NTM: variants seen among roughly 807,000 people sequenced by gnomAD.
The protein encoded by NTM is IgLON family member 2.
A neutral mutation model predicts 42.1 loss-of-function variants in NTM; 13 were observed. The ratio of observed to expected loss-of-function variants is 0.31; its 90% CI spans 0.20 to 0.49. The LOEUF (loss-of-function observed/expected upper bound fraction) is 0.49, where lower values mean the gene tolerates loss of function less well. NTM is among the 20% of genes least tolerant of loss of function. The pLI is 0.99. For synonymous variants in NTM, 187 were observed against 179.2 expected, an observed-to-expected ratio of 1.04 and a Z score of -0.35; for missense variants, 373 against 452.8, an observed-to-expected ratio of 0.82 and a Z score of 1.60.
In NTM at chr11:132,146,556, C is replaced by T. The variant is rs371578153; in HGVS notation, c.400+42C>T. The T allele has an allele frequency of 3.9e-5, 62 of 1,599,978 alleles. No homozygotes were observed. Among genetic ancestry groups the T allele is most frequent in the Non-Finnish European group, 5.2e-5 (61 of 1,170,948 alleles). ...TGGCGGGGAGATCTGGCTGGCCAGCCTGGAAAGCCTTCAGGTAAAGGTTTG... is the reference window on the plus strand; with the variant it reads ...TGGCGGGGAGATCTGGCTGGCCAGCTTGGAAAGCCTTCAGGTAAAGGTTTG... On this transcript the variant is annotated intron_variant, in intron 3 of 8. Transcript: ENST00000683400. The surrounding 1 kb of genome is among the most constrained non-coding windows in gnomAD (Gnocchi z 4.5).
At chr11:131,566,037 A>C (rs1314420060) in intron 1 of NTM, among the ~76,000 whole-genome samples, 1 of 152,206 alleles carries the variant, frequency 6.6e-6, no homozygotes, top group Non-Finnish European at 1.5e-5. Context: ...TGAAAATGTG[A>C]TGTCGATATG....
chr11:132,010,014 G>A (rs1319468784), intron 2 of NTM, among the ~76,000 whole-genome samples: 2 of 152,202 alleles, frequency 1.3e-5, no homozygotes, highest in South Asian at 2.1e-4. Context: ...ATTCTGCACA[G>A]CATGAGTGAA....
chr11:132,274,718 C>T (rs75121089), intron 4 of NTM, among the ~76,000 whole-genome samples: 3,065 of 152,164 alleles, frequency 0.02, 110 homozygotes, highest in African/African-American at 0.07. Flanking sequence ...TAAACCATAG[C>T]ATTTAATGTG....
intron 1 of NTM, among the ~76,000 whole-genome samples, chr11:131,736,007 A>AT (rs537526249): frequency 6.6e-6 from 1 of 151,942 alleles, no homozygotes; most frequent in Non-Finnish European, 1.5e-5. Flanking sequence ...TACTTTTTGT[A>AT]TTTTTAGTAG....
At chr11:131,872,802 C>A (rs1469812062) in intron 1 of NTM, among the ~76,000 whole-genome samples, 1 of 152,100 alleles carries the variant, frequency 6.6e-6, no homozygotes, top group Non-Finnish European at 1.5e-5. Context: ...TTATAGGGGA[C>A]AATGTTGACA....
rs544339472 is a variant in NTM at position 131,958,882 on chromosome 11, C to T, written c.167+47234C>T. ...TTTGGAAGAGAAATAGGAGCCTTCGCCAACTAAGAAATCACTGTGGCCTAT... is the reference window on the plus strand; with the variant it reads ...TTTGGAAGAGAAATAGGAGCCTTCGTCAACTAAGAAATCACTGTGGCCTAT... On this transcript the variant is annotated intron_variant, in intron 2 of 8. Coordinates refer to ENST00000683400, the MANE Select transcript of NTM (RefSeq NM_001352005.2). Among the ~76,000 whole-genome samples, 28 of 152,266 alleles carry T rather than the reference C, an allele frequency of 1.8e-4. 1 individual carries two copies. The South Asian group carries it at 5.8e-3, about 32-fold the overall frequency.
chr11:131,418,915 A>C (rs1947225181), intron 1 of NTM, among the ~76,000 whole-genome samples: 1 of 152,164 alleles, frequency 6.6e-6, no homozygotes, highest in Admixed American at 6.5e-5. Flanking sequence ...CGCCTCATGA[A>C]CACTTCACCT....
chr11:131,495,449 G>A (rs1955238119), intron 1 of NTM, among the ~76,000 whole-genome samples: 1 of 152,240 alleles, frequency 6.6e-6, no homozygotes, highest in East Asian at 1.9e-4. Context: ...GCTCTGCACT[G>A]CCTGTGCTGC....
chr11:131,486,217 T>C, intron 1 of NTM, among the ~76,000 whole-genome samples: 1 of 152,162 alleles, frequency 6.6e-6, no homozygotes, highest in Non-Finnish European at 1.5e-5. Context: ...GGGACTCTAT[T>C]GCCTCCAGAA....
At chr11:132,032,436 C>T (rs999608957) in intron 2 of NTM, among the ~76,000 whole-genome samples, 1 of 152,186 alleles carries the variant, frequency 6.6e-6, no homozygotes, top group Non-Finnish European at 1.5e-5. Context: ...GACCCTGGCC[C>T]CTCCCTTGAA....
At chr11:131,769,291 C>T (rs985755101) in intron 1 of NTM, among the ~76,000 whole-genome samples, 1 of 99,110 alleles carries the variant, frequency 1.0e-5, no homozygotes, top group Non-Finnish European at 2.0e-5. Context: ...ATTTGGTTTT[C>T]TCATTTTTTT....
At chr11:132,018,731 A>G (rs1419337617) in intron 2 of NTM, among the ~76,000 whole-genome samples, 1 of 152,058 alleles carries the variant, frequency 6.6e-6, no homozygotes, top group Non-Finnish European at 1.5e-5. Flanking sequence ...CCCTAGACTC[A>G]TGAAATAAGT....
rs1291436840 is a variant in NTM, at chr11:131,878,580, A to T, written c.83-32984A>T. Among the ~76,000 whole-genome samples, 2 of 48,224 alleles carry T rather than the reference A, an allele frequency of 4.1e-5. 1 individual carries two copies. Among genetic ancestry groups the T allele is most frequent in the East Asian group, 1.5e-3 (2 of 1,342 alleles). The allele number at this position is 48,224 out of a possible 152,430, so 31.6% of individuals were successfully genotyped here. A position where few individuals can be genotyped will look rare whatever the true frequency, so the allele number is the denominator to read the frequency against. Reference sequence around the variant, plus strand: ...GGGAGACTCCATCTCAAAAAAAAAAAAAAAAAAAAAAAAAATATATATATA... The same window carrying T: ...GGGAGACTCCATCTCAAAAAAAAAATAAAAAAAAAAAAAAATATATATATA... On this transcript the variant is annotated intron_variant, in intron 1 of 8. Transcript: ENST00000683400.
intron 2 of NTM, among the ~76,000 whole-genome samples, chr11:132,084,217 A>G (rs1193208837): frequency 1.3e-5 from 2 of 152,110 alleles, no homozygotes; most frequent in Admixed American, 6.5e-5. Context: ...CAAGACAACA[A>G]TTGTCTATGA....
chr11:131,735,428 A>G (rs1266318246), intron 1 of NTM, among the ~76,000 whole-genome samples: 1 of 152,222 alleles, frequency 6.6e-6, no homozygotes, highest in East Asian at 1.9e-4. Context: ...AAAATATGCA[A>G]TAGAGAAGTG....
intron 1 of NTM, among the ~76,000 whole-genome samples, chr11:131,783,076 G>C (rs1319339945): frequency 6.6e-6 from 1 of 152,060 alleles, no homozygotes; most frequent in East Asian, 1.9e-4. Flanking sequence ...TGTGTACATA[G>C]AAAATTCAAA....
At chr11:131,421,940 C>T (rs1947579915) in intron 1 of NTM, among the ~76,000 whole-genome samples, 1 of 152,156 alleles carries the variant, frequency 6.6e-6, no homozygotes, top group South Asian at 2.1e-4. Flanking sequence ...TTTACATGCT[C>T]TCTGGAGATA....
intron 1 of NTM, among the ~76,000 whole-genome samples, chr11:131,718,852 G>A (rs1378288866): frequency 6.6e-6 from 1 of 152,154 alleles, no homozygotes; most frequent in African/African-American, 2.4e-5. Flanking sequence ...AGTCAGCTGG[G>A]ATGAATGCTG....
chr11:131,382,604 A>G (rs1000848972), intron 1 of NTM, among the ~76,000 whole-genome samples: 1 of 152,194 alleles, frequency 6.6e-6, no homozygotes, highest in African/African-American at 2.4e-5. Flanking sequence ...TTGCCTTTAG[A>G]GCTATCAGGA....
Sources: allele counts gnomAD v4.1 joint callset (sites outside exome capture counted in the v4.1 genomes callset), GRCh38; gene constraint gnomAD v4.1.1; non-coding constraint Gnocchi (gnomAD v3.1); transcripts MANE v1.5; gene names NCBI Gene and HGNC (gene_info 2026-07-23, HGNC 2026-07-21).